Variants in CLDN14 observed in about 807,000 individuals in gnomAD.
CLDN14 encodes the protein claudin 14, also known as claudin-14.
A neutral mutation model predicts 2.1 loss-of-function variants in CLDN14; 2 were observed. The observed-to-expected ratio is 0.96, with a 90% CI of 0.39 to 3.01. The LOEUF (loss-of-function observed/expected upper bound fraction) is 3.01, where lower values mean the gene tolerates loss of function less well. CLDN14 is among the 30% of genes most tolerant of loss of function. The pLI, the probability that CLDN14 is intolerant of heterozygous loss-of-function variation, is 0.09. For synonymous variants in CLDN14, 136 were observed against 154.4 expected, an observed-to-expected ratio of 0.88 and a Z score of 0.88; for missense variants, 298 against 328.0, an observed-to-expected ratio of 0.91 and a Z score of 0.71.
chr21:36,483,499 C>T (rs1320830655), upstream of CLDN14, among the ~76,000 whole-genome samples: 4 of 152,178 alleles, frequency 2.6e-5, no homozygotes, highest in African/African-American at 7.2e-5. Context: ...CTAGAGGCCA[C>T]GTGAGGTCCA....
intron 1 of CLDN14, among the ~76,000 whole-genome samples, chr21:36,524,818 C>T (rs530214703): frequency 6.6e-5 from 10 of 152,314 alleles, no homozygotes; most frequent in East Asian, 1.9e-4. Flanking sequence ...CTGTGACTCA[C>T]GGAGGGACGG....
At chr21:36,554,004 C>T (rs1042301627) in intron 1 of CLDN14, among the ~76,000 whole-genome samples, 1 of 152,138 alleles carries the variant, frequency 6.6e-6, no homozygotes, top group Admixed American at 6.5e-5. Flanking sequence ...AGAGCATGTA[C>T]CCCCTTTCCC....
intron 1 of CLDN14, among the ~76,000 whole-genome samples, chr21:36,466,803 G>T (rs1328196217): frequency 6.6e-6 from 1 of 152,200 alleles, no homozygotes; most frequent in Non-Finnish European, 1.5e-5. Flanking sequence ...GACAAGGCAA[G>T]TCCCTTCTGC....
intron 1 of CLDN14, among the ~76,000 whole-genome samples, chr21:36,543,032 A>C (rs1027271637): frequency 2.0e-5 from 3 of 152,230 alleles, no homozygotes; most frequent in African/African-American, 7.2e-5. Flanking sequence ...AGGGGGGAGC[A>C]CAAGGGTCTC....
intron 1 of CLDN14, among the ~76,000 whole-genome samples, chr21:36,534,258 T>A (rs913608767): frequency 6.6e-6 from 1 of 152,174 alleles, no homozygotes; most frequent in African/African-American, 2.4e-5. Flanking sequence ...AATTTTTTCA[T>A]GCTATTCATG....
At chr21:36,562,484 C>A (rs1412074636) in intron 1 of CLDN14, among the ~76,000 whole-genome samples, 1 of 152,174 alleles carries the variant, frequency 6.6e-6, no homozygotes, top group African/African-American at 2.4e-5. Context: ...AACAAGACCT[C>A]TTCTGAAATA....
chr21:36,531,291 G>GTT (rs573798801), intron 1 of CLDN14, among the ~76,000 whole-genome samples: 21 of 144,368 alleles, frequency 1.5e-4, no homozygotes, highest in African/African-American at 5.3e-4. Flanking sequence ...TGCTATAAAT[G>GTT]TTTTTTTTTT....
intron 1 of CLDN14, among the ~76,000 whole-genome samples, chr21:36,464,181 CTT>C (rs1194307208): frequency 6.6e-6 from 1 of 152,286 alleles, no homozygotes; most frequent in East Asian, 1.9e-4. Context: ...CCCTCTCTCT[CTT>C]CCTCCTTCTC....
chr21:36,527,988 A>G (rs544432961), intron 1 of CLDN14, among the ~76,000 whole-genome samples: 46 of 152,296 alleles, frequency 3.0e-4, no homozygotes, highest in African/African-American at 1.1e-3. Flanking sequence ...GCCCAACTTT[A>G]TCTCCTGAAC....
intron 1 of CLDN14, among the ~76,000 whole-genome samples, chr21:36,469,447 C>T (rs1250682727): frequency 6.6e-6 from 1 of 152,186 alleles, no homozygotes; most frequent in African/African-American, 2.4e-5. Flanking sequence ...GGGATACTTA[C>T]GTGACTACGA....
Position 36,489,129 on chromosome 21 carries a change from A to T in CLDN14, c.-82+21234T>A, listed in dbSNP as rs867600971. ...AGTCTGTCTCAAAGAAAAAAAAAAA[A>T]AAATATATATATATATATATATATA... On this transcript the variant is annotated intron_variant, in intron 2 of 2. Coordinates refer to the CLDN14 transcript ENST00000342108. 3.2e-3 allele frequency among the ~76,000 whole-genome samples: 251 copies of T among 78,954 alleles called. 2 individuals carry two copies. The highest frequency in any genetic ancestry group is 0.01 in the African/African-American group (239 of 23,620). The allele number at this position is 78,954 out of a possible 152,430, so 51.8% of individuals were successfully genotyped here. A position where few individuals can be genotyped will look rare whatever the true frequency, so the allele number is the denominator to read the frequency against.
chr21:36,511,532 A>G (rs1200486911), intron 1 of CLDN14, among the ~76,000 whole-genome samples: 1 of 152,144 alleles, frequency 6.6e-6, no homozygotes, highest in Non-Finnish European at 1.5e-5. Flanking sequence ...ACGTAAACTA[A>G]TTTCAGTCTC....
At position 36,544,173 on chromosome 21, in the gene CLDN14, T is replaced by A. The variant is rs2087511705; in HGVS notation, c.-220+32238A>T. Among the ~76,000 whole-genome samples the A allele has an allele frequency of 6.6e-6, 1 of 152,238 alleles. No individual in the cohort carries two copies. Among genetic ancestry groups the A allele is most frequent in the Admixed American group, 6.5e-5 (1 of 15,290 alleles). On this transcript the variant is annotated intron_variant, in intron 1 of 2. Coordinates refer to the CLDN14 transcript ENST00000342108. The surrounding 1 kb of genome is among the most constrained non-coding windows in gnomAD (Gnocchi z 4.1). Reference sequence around the variant, plus strand: ...AGGTTTCCATTACCATGGTGCTGCCTGCCAGCTTGGCAGGATCACACTACA... The same window carrying A: ...AGGTTTCCATTACCATGGTGCTGCCAGCCAGCTTGGCAGGATCACACTACA...
intron 1 of CLDN14, among the ~76,000 whole-genome samples, chr21:36,563,481 T>C (rs1472573090): frequency 1.3e-5 from 2 of 152,190 alleles, no homozygotes; most frequent in Non-Finnish European, 2.9e-5. Context: ...GGTTAGGATA[T>C]TGAATTCCGT....
At chr21:36,518,082 A>G (rs967889983) in intron 1 of CLDN14, among the ~76,000 whole-genome samples, 17 of 25,374 alleles carry the variant, frequency 6.7e-4, no homozygotes, top group African/African-American at 8.6e-4. Context: ...ACGTACACAC[A>G]CACACACACA....
intron 1 of CLDN14, among the ~76,000 whole-genome samples, chr21:36,545,686 T>G (rs1393985777): frequency 6.6e-6 from 1 of 152,250 alleles, no homozygotes; most frequent in Non-Finnish European, 1.5e-5. Flanking sequence ...ATTTGACCAT[T>G]TATATCTCAA....
intron 1 of CLDN14, among the ~76,000 whole-genome samples, chr21:36,475,876 C>T (rs575655219): frequency 2.6e-4 from 39 of 152,178 alleles, no homozygotes; most frequent in African/African-American, 8.4e-4. Flanking sequence ...GGTTTCACTC[C>T]GTCTAGGCTG....
intron 1 of CLDN14, among the ~76,000 whole-genome samples, chr21:36,473,865 G>A (rs1172638865): frequency 6.6e-6 from 1 of 152,236 alleles, no homozygotes; most frequent in Non-Finnish European, 1.5e-5. Flanking sequence ...ACTGGTGAGG[G>A]AGGACAGAGC....
chr21:36,487,173 C>T (rs1273336747), intron 2 of CLDN14: 4 of 206,130 alleles, frequency 1.9e-5, no homozygotes, highest in East Asian at 1.5e-4. Context: ...TTAGTAGGGA[C>T]GGGGTTTTAC....
Sources: gnomAD v4.1 joint callset for allele counts (sites outside exome capture counted in the v4.1 genomes callset) on GRCh38, gnomAD v4.1.1 for gene constraint, Gnocchi (gnomAD v3.1) non-coding constraint, MANE v1.5 for transcripts, NCBI Gene and HGNC (gene_info 2026-07-23, HGNC 2026-07-21) for gene names.